The following PRKCH variants were observed in gnomAD, a reference collection of about 807,000 sequenced individuals.
The protein encoded by PRKCH is protein kinase C eta, also known as protein kinase C eta type.
A neutral mutation model predicts 82.5 loss-of-function variants in PRKCH; 28 were observed. The observed-to-expected ratio is 0.34, with a 90% CI of 0.25 to 0.47. The LOEUF (loss-of-function observed/expected upper bound fraction) is 0.47, where lower values mean the gene tolerates loss of function less well. Among genes scored for constraint, PRKCH ranks in the 20% least tolerant of loss-of-function variants. The pLI is 1.00. For missense variants in PRKCH, 705 were observed against 881.8 expected, an observed-to-expected ratio of 0.80 and a Z score of 2.54; for synonymous variants, 322 against 327.4, an observed-to-expected ratio of 0.98 and a Z score of 0.18.
intron 1 of PRKCH, among the ~76,000 whole-genome samples, chr14:61,362,491 CT>C (rs761996957): frequency 6.6e-6 from 1 of 152,150 alleles, no homozygotes; most frequent in Non-Finnish European, 1.5e-5. Flanking sequence ...ACAGTGCAGT[CT>C]GAGTAATAAC....
At chr14:61,432,348 T>C (rs1883447807) in intron 2 of PRKCH, among the ~76,000 whole-genome samples, 1 of 152,252 alleles carries the variant, frequency 6.6e-6, no homozygotes, top group African/African-American at 2.4e-5. Context: ...ACCACTTTCT[T>C]GTATAGCTCA....
intron 2 of PRKCH, among the ~76,000 whole-genome samples, chr14:61,419,352 G>A (rs986891185): frequency 6.6e-6 from 1 of 152,112 alleles, no homozygotes; most frequent in Non-Finnish European, 1.5e-5. Context: ...TCCAAATACT[G>A]AAGGGTTTCT....
chr14:61,373,452 C>T (rs2046389126), intron 1 of PRKCH, among the ~76,000 whole-genome samples: 2 of 151,922 alleles, frequency 1.3e-5, no homozygotes, highest in East Asian at 1.9e-4. Context: ...TCAATAACTT[C>T]CCAGCAGCCC....
At position 61,456,470 on chromosome 14, in the gene PRKCH, A is replaced by G. The variant is rs566104463; in HGVS notation, c.961-706A>G. Among the ~76,000 whole-genome samples, 100 of 152,346 alleles carry G rather than the reference A, an allele frequency of 6.6e-4. 2 individuals carry two copies. Among genetic ancestry groups the G allele is most frequent in the African/African-American group, 2.3e-3 (94 of 41,580 alleles). On this transcript the variant is annotated intron_variant, in intron 7 of 13. Coordinates refer to ENST00000332981, the MANE Select transcript of PRKCH (RefSeq NM_006255.5). ...ATAGCCGTTAGAACTCATATTCTTG[A>G]AAGAAATTTAAAGGCATGAAAAATA...
At chr14:61,518,101 A>G (rs2042852383) in intron 10 of PRKCH, among the ~76,000 whole-genome samples, 1 of 152,198 alleles carries the variant, frequency 6.6e-6, no homozygotes, top group Non-Finnish European at 1.5e-5. Context: ...TTGGACTGTC[A>G]GGTCCAAGTG....
intron 2 of PRKCH, among the ~76,000 whole-genome samples, chr14:61,438,179 C>T (rs1883767619): frequency 6.6e-6 from 1 of 152,132 alleles, no homozygotes; most frequent in Non-Finnish European, 1.5e-5. Context: ...AAGCCGTCTG[C>T]ACACCCCAGG....
At chr14:61,457,371 G>T (rs1884822234) in intron 8 of PRKCH, 52 bp downstream of exon 8, 8 of 1,585,728 alleles carry the variant, frequency 5.0e-6, no homozygotes, top group Non-Finnish European at 5.1e-6. Flanking sequence ...TCTGTGTATG[G>T]GGGGTGTGTG....
intron 1 of PRKCH, among the ~76,000 whole-genome samples, chr14:61,214,866 T>A (rs974649787): frequency 9.8e-5 from 15 of 152,350 alleles, no homozygotes; most frequent in Middle Eastern, 6.8e-3. Flanking sequence ...AATCATTGTT[T>A]AAATCATTTA....
chr14:61,234,834 G>A (rs1263284986), intron 1 of PRKCH, among the ~76,000 whole-genome samples: 2 of 152,232 alleles, frequency 1.3e-5, no homozygotes, highest in African/African-American at 2.4e-5. Context: ...ATCAGCATCA[G>A]TCTCACTTGC....
chr14:61,371,416 G>T (rs2046363274), intron 1 of PRKCH, among the ~76,000 whole-genome samples: 1 of 151,932 alleles, frequency 6.6e-6, no homozygotes, highest in African/African-American at 2.4e-5. Flanking sequence ...ATGTTTATAT[G>T]TCTGCTTAGG....
intron 1 of PRKCH, among the ~76,000 whole-genome samples, chr14:61,235,803 T>C (rs1351073513): frequency 6.6e-6 from 1 of 152,206 alleles, no homozygotes; most frequent in Non-Finnish European, 1.5e-5. Flanking sequence ...TAGGTTCAGA[T>C]GACTCTGGGG....
chr14:61,259,062 T>G (rs976615844), intron 1 of PRKCH, among the ~76,000 whole-genome samples: 1 of 152,198 alleles, frequency 6.6e-6, no homozygotes, highest in Non-Finnish European at 1.5e-5. Context: ...CCCAAAGGAA[T>G]GATGTTGTCA....
At chr14:61,262,219 T>TAAAA (rs1297799647) in intron 1 of PRKCH, among the ~76,000 whole-genome samples, 2 of 106,612 alleles carry the variant, frequency 1.9e-5, no homozygotes, top group Non-Finnish European at 3.7e-5. Flanking sequence ...AGACTCTGTA[T>TAAAA]AAAAAAAAAA....
chr14:61,451,129 G>T (rs1378042928), intron 6 of PRKCH, among the ~76,000 whole-genome samples, 158 bp downstream of exon 6: 1 of 152,150 alleles, frequency 6.6e-6, no homozygotes, highest in Non-Finnish European at 1.5e-5. Context: ...TTTCTTGTCA[G>T]GCATGTAAAG....
At chr14:61,304,369 C>T (rs2045469986) in intron 1 of PRKCH, 1 of 152,148 alleles carries the variant, frequency 6.6e-6, no homozygotes, top group Non-Finnish European at 1.5e-5. Flanking sequence ...CTTACCATTT[C>T]TGGTGCTATT....
intron 1 of PRKCH, among the ~76,000 whole-genome samples, chr14:61,193,979 G>A (rs1025974842): frequency 6.6e-6 from 1 of 152,116 alleles, no homozygotes; most frequent in Non-Finnish European, 1.5e-5. Flanking sequence ...CACCATGGCT[G>A]TCTATTTGGG....
chr14:61,397,250 G>A (rs76534436), intron 2 of PRKCH, among the ~76,000 whole-genome samples: 6,961 of 152,304 alleles, frequency 0.046, 222 homozygotes, highest in Middle Eastern at 0.078. Context: ...AGGAGTCTCA[G>A]ATGATGCTCA....
At chr14:61,270,367 T>G (rs1218561293) in intron 1 of PRKCH, among the ~76,000 whole-genome samples, 1 of 152,108 alleles carries the variant, frequency 6.6e-6, no homozygotes. Flanking sequence ...GCTATGAGTC[T>G]GTAATACAAA....
In PRKCH at chr14:61,494,403, C is replaced by T. The variant is rs115659774; in HGVS notation, c.1433+8747C>T. On this transcript the variant is annotated intron_variant, in intron 10 of 13. Transcript: ENST00000332981. ...TCCATAAAAGTATAGAAAAAGATCACTTACTTTAGAGTATGTGTGTGACGC... is the reference window on the plus strand; with the variant it reads ...TCCATAAAAGTATAGAAAAAGATCATTTACTTTAGAGTATGTGTGTGACGC... Among the ~76,000 whole-genome samples, 621 of 152,364 alleles carry T rather than the reference C, an allele frequency of 4.1e-3. 7 individuals carry two copies. Among genetic ancestry groups the T allele is most frequent in the African/African-American group, 0.014 (593 of 41,590 alleles).
Sources: gnomAD v4.1 joint callset for allele counts (sites outside exome capture counted in the v4.1 genomes callset) on GRCh38, gnomAD v4.1.1 for gene constraint, MANE v1.5 for transcripts, NCBI Gene and HGNC (gene_info 2026-07-23, HGNC 2026-07-21) for gene names.